Variants in CHD2 observed in about 807,000 individuals in gnomAD.
CHD2 encodes ATP-dependent chromatin remodeler CHD2.
CHD2 carries 28 observed loss-of-function variants against 243.9 expected under a neutral mutation model. The observed-to-expected ratio is 0.11, with a 90% CI of 0.09 to 0.16. The LOEUF (loss-of-function observed/expected upper bound fraction) is 0.16, where lower values mean the gene tolerates loss of function less well. Among genes scored for constraint, CHD2 ranks in the 10% least tolerant of loss-of-function variants. The probability of loss-of-function intolerance (pLI) is 1.00; values close to 1 mark genes in which losing one functional copy is unlikely to be tolerated. For missense variants in CHD2, 1,386 were observed against 2,209.8 expected, an observed-to-expected ratio of 0.63 and a Z score of 7.47; for synonymous variants, 775 against 779.0, an observed-to-expected ratio of 0.99 and a Z score of 0.09.
intron 2 of CHD2, among the ~76,000 whole-genome samples, chr15:92,917,166 C>T (rs2052855057): frequency 1.3e-5 from 2 of 152,112 alleles, no homozygotes. Flanking sequence ...AGTTACTTGT[C>T]TTTTAACCTT....
At chr15:92,945,242 C>T (rs780972492) in intron 10 of CHD2, 7 of 152,062 alleles carry the variant, frequency 4.6e-5, no homozygotes, top group African/African-American at 9.7e-5. Context: ...GGTGAGGGTG[C>T]GGCCTGATTA....
chr15:92,952,317 C>CGAAAAATTGT (rs2053563805), intron 13 of CHD2, among the ~76,000 whole-genome samples: 1 of 152,158 alleles, frequency 6.6e-6, no homozygotes, highest in Admixed American at 6.5e-5. Context: ...AATTTTTCCA[C>CGAAAAATTGT]AGGCTGGGGA....
At chr15:92,901,056 C>A in intron 1 of CHD2, 111 bp from the exon 2 acceptor site, 1 of 604,724 alleles carries the variant, frequency 1.7e-6, no homozygotes, top group Non-Finnish European at 3.0e-6. Flanking sequence ...TTTTTTGGTG[C>A]TTACCGTTGT....
chr15:93,016,542 C>T (rs1457804873), intron 37 of CHD2, among the ~76,000 whole-genome samples: 2 of 152,024 alleles, frequency 1.3e-5, no homozygotes, highest in Non-Finnish European at 2.9e-5. Flanking sequence ...TAAAACATTG[C>T]ATTGTAATCA....
At chr15:92,983,542 TAAG>T (rs1048950502) in intron 24 of CHD2, among the ~76,000 whole-genome samples, 12 of 152,110 alleles carry the variant, frequency 7.9e-5, no homozygotes, top group Non-Finnish European at 1.6e-4. Flanking sequence ...AGGGAGGGAA[TAAG>T]AAGAATGCGG....
chr15:93,019,848 C>T (rs768627807), intron 37 of CHD2, among the ~76,000 whole-genome samples, 164 bp from the exon 38 acceptor site: 30 of 151,906 alleles, frequency 2.0e-4, no homozygotes, highest in Non-Finnish European at 2.8e-4. Context: ...GCACGAGAAT[C>T]GCTTGACCCA....
Position 92,922,772 on chromosome 15 carries a change from C to T in CHD2, c.63-1549C>T, listed in dbSNP as rs139894407. ...TCCACCTCTTGCTGTAGAGTCCATC[C>T]GTTTGAGGTCTTTTTGCTTCAGAGT... On this transcript the variant is annotated intron_variant, in intron 2 of 38. Transcript: ENST00000394196. Among the ~76,000 whole-genome samples, 44 of 152,240 alleles carry T rather than the reference C, an allele frequency of 2.9e-4. No individual in the cohort carries two copies. The East Asian group carries it at 7.9e-3, about 27-fold the overall frequency.
At chr15:92,992,692 C>G (rs1000359136) in intron 27 of CHD2, among the ~76,000 whole-genome samples, 167 bp from the exon 28 acceptor site, 1 of 152,190 alleles carries the variant, frequency 6.6e-6, no homozygotes, top group African/African-American at 2.4e-5. Flanking sequence ...TGTTAGCCTT[C>G]AGTCAATGTC....
At chr15:92,926,264 CT>C (rs1396399413) in intron 3 of CHD2, among the ~76,000 whole-genome samples, 1 of 152,228 alleles carries the variant, frequency 6.6e-6, no homozygotes, top group Non-Finnish European at 1.5e-5. Context: ...TGGCCCTACA[CT>C]TTTAAATACA....
At chr15:92,906,162 G>A (rs577245367) in intron 2 of CHD2, among the ~76,000 whole-genome samples, 3 of 152,220 alleles carry the variant, frequency 2.0e-5, no homozygotes, top group South Asian at 2.1e-4. Context: ...GTGTTCTTAG[G>A]TATGTTTGTT....
chr15:92,957,397 T>G (rs2053629806), intron 16 of CHD2, among the ~76,000 whole-genome samples: 1 of 152,252 alleles, frequency 6.6e-6, no homozygotes, highest in Non-Finnish European at 1.5e-5. Flanking sequence ...CCACCTCCTT[T>G]CAGAAATCTT....
chr15:93,024,333 G>A, intron 38 of CHD2, 39 bp from the exon 39 acceptor site: 1 of 1,569,764 alleles, frequency 6.4e-7, no homozygotes. Context: ...TGGGAATCTG[G>A]CTTCAGTCTT....
At chr15:92,951,892 T>A (rs1026498823) in intron 13 of CHD2, among the ~76,000 whole-genome samples, 1 of 152,208 alleles carries the variant, frequency 6.6e-6, no homozygotes, top group Non-Finnish European at 1.5e-5. Context: ...ACACAGAAGG[T>A]ATTTTTAGAA....
rs998318241 is a variant in CHD2 at position 92,998,730 on chromosome 15, C to T, written c.4008+109C>T. On this transcript the variant is annotated intron_variant, in intron 31 of 38. Transcript: ENST00000394196. The surrounding 1 kb of genome is among the most constrained non-coding windows in gnomAD (Gnocchi z 5.1). ...TGAGCACTGCACAGAATGTCACCTT[C>T]TCATGGGCATATTTTGTTTTTGAGG... The T allele has an allele frequency of 2.3e-6, 3 of 1,331,296 alleles. No individual in the cohort carries two copies. Among genetic ancestry groups the T allele is most frequent in the Non-Finnish European group, 3.1e-6 (3 of 976,652 alleles). The allele number at this position is 1,331,296 out of a possible 1,614,324, so 82.5% of individuals were successfully genotyped here.
intron 16 of CHD2, among the ~76,000 whole-genome samples, chr15:92,962,525 T>C (rs962547272): frequency 2.6e-5 from 4 of 152,200 alleles, no homozygotes; most frequent in Non-Finnish European, 4.4e-5. Flanking sequence ...GAACATGCTT[T>C]AAATGAATTT....
chr15:92,941,781 A>C, intron 7 of CHD2, 41 bp from the exon 8 acceptor site: 1 of 1,600,466 alleles, frequency 6.2e-7, no homozygotes, highest in South Asian at 1.1e-5. Context: ...TTAATTCTGA[A>C]GAGATCATTT....
intron 2 of CHD2, among the ~76,000 whole-genome samples, chr15:92,904,085 CCT>C (rs1361785400): frequency 6.6e-6 from 1 of 152,012 alleles, no homozygotes; most frequent in Non-Finnish European, 1.5e-5. Flanking sequence ...TTTCCTTCCC[CCT>C]CTCTGCTCTT....
chr15:92,992,779 T>C, intron 27 of CHD2, 80 bp from the exon 28 acceptor site: 1 of 1,540,326 alleles, frequency 6.5e-7, no homozygotes, highest in Non-Finnish European at 8.8e-7. Context: ...GAAGATTATG[T>C]GAGGCCTAGT....
At chr15:93,024,168 T>A (rs1469742703) in intron 38 of CHD2, among the ~76,000 whole-genome samples, 1 of 152,218 alleles carries the variant, frequency 6.6e-6, no homozygotes, top group Non-Finnish European at 1.5e-5. Flanking sequence ...TGTACTTGTG[T>A]CACTGCACAC....
Sources: allele counts gnomAD v4.1 joint callset (sites outside exome capture counted in the v4.1 genomes callset), GRCh38; gene constraint gnomAD v4.1.1; non-coding constraint Gnocchi (gnomAD v3.1); transcripts MANE v1.5; gene names NCBI Gene and HGNC (gene_info 2026-07-23, HGNC 2026-07-21).